The following DNAH12 variants were observed in gnomAD, a reference collection of about 807,000 sequenced individuals.
DNAH12 encodes the protein axonemal beta dynein heavy chain 12.
Under a neutral mutation model 371.5 loss-of-function variants are expected in DNAH12, and 285 were observed. The observed-to-expected ratio is 0.77, with a 90% CI of 0.70 to 0.85. The LOEUF is 0.85. Ranked by LOEUF, DNAH12 falls within the 40% of genes least tolerant of loss-of-function variation. The probability of loss-of-function intolerance (pLI) is 0.00; values close to 1 mark genes in which losing one functional copy is unlikely to be tolerated. For missense variants in DNAH12, 3,611 were observed against 3,689.4 expected (o/e 0.98, Z 0.55); for synonymous variants, 1,200 against 1,213.0 (o/e 0.99, Z 0.22).
At chr3:57,476,371 C>T (rs1170041321) in intron 13 of DNAH12, among the ~76,000 whole-genome samples, 1 of 152,072 alleles carries the variant, frequency 6.6e-6, no homozygotes, top group East Asian at 1.9e-4. Context: ...CGAGACCAGC[C>T]TGGCCAATAT....
At chr3:57,411,760 T>C (rs930849190) in intron 39 of DNAH12, among the ~76,000 whole-genome samples, 1 of 152,114 alleles carries the variant, frequency 6.6e-6, no homozygotes, top group African/African-American at 2.4e-5. Context: ...CCTTCCAAAC[T>C]TGACATGTAG....
intron 58 of DNAH12, among the ~76,000 whole-genome samples, chr3:57,361,697 T>C (rs955039209): frequency 1.3e-5 from 2 of 150,870 alleles, no homozygotes; most frequent in Non-Finnish European, 3.0e-5. Flanking sequence ...GAAACAGAGG[T>C]AAGACAAGCT....
Position 57,310,929 on chromosome 3 carries a change from T to C in DNAH12, c.10684A>G (p.Thr3562Ala). 6.5e-7 allele frequency: 1 copy of C among 1,549,742 alleles called. No homozygotes were observed. Among genetic ancestry groups the C allele is most frequent in the Admixed American group, 2.0e-5 (1 of 50,888 alleles). Reference sequence around the variant, plus strand: ...TAAGATATAGCTTCAAATGGAATTGTATCATATTCATTGATAAATAACTGA... The same window carrying C: ...TAAGATATAGCTTCAAATGGAATTGCATCATATTCATTGATAAATAACTGA... The part of the protein sequence containing the change: ...QLQLFINEYD[T>A]IPFEAISYLT... The change falls in exon 67 of 74, where the codon ACA becomes GCA. Residue 3562 changes from threonine to alanine, a missense_variant. Around this residue, in one of 3 missense-constraint regions of DNAH12, gnomAD observed 2,266 missense variants for 2,236.9 expected, o/e 1.01. Transcript: ENST00000495027.
chr3:57,401,641 TAGAAAA>T (rs2063870238), intron 43 of DNAH12, among the ~76,000 whole-genome samples: 1 of 137,646 alleles, frequency 7.3e-6, no homozygotes, highest in Non-Finnish European at 1.6e-5. Flanking sequence ...CTCAAGGAAC[TAGAAAA>T]AGAAGACTAA....
intron 30 of DNAH12, among the ~76,000 whole-genome samples, chr3:57,435,352 A>T: frequency 7.4e-6 from 1 of 134,724 alleles, no homozygotes; most frequent in Non-Finnish European, 1.6e-5. Context: ...AGCCTGGGTG[A>T]TAGACCAAGA....
At chr3:57,305,396 G>A (rs940973326) in intron 69 of DNAH12, among the ~76,000 whole-genome samples, 6 of 151,826 alleles carry the variant, frequency 4.0e-5, no homozygotes, top group African/African-American at 9.7e-5. Context: ...CTCAGCCTCC[G>A]CTCCTCCACC....
intron 55 of DNAH12, among the ~76,000 whole-genome samples, chr3:57,368,959 C>T (rs1375571870): frequency 2.0e-5 from 3 of 152,064 alleles, no homozygotes; most frequent in Middle Eastern, 3.4e-3. Context: ...ATAATGCCAG[C>T]GCTTTGGGAG....
At chr3:57,330,034 A>G (rs2062055254) in intron 62 of DNAH12, among the ~76,000 whole-genome samples, 1 of 151,778 alleles carries the variant, frequency 6.6e-6, no homozygotes. Flanking sequence ...TACCAGTTAG[A>G]ATGGCAATCA....
At chr3:57,444,897 C>A in intron 28 of DNAH12, 81 bp from the exon 29 acceptor site, 2 of 1,396,632 alleles carry the variant, frequency 1.4e-6, no homozygotes, top group Non-Finnish European at 1.9e-6. Context: ...CCAGCCCCGG[C>A]CTGCCCCACC....
At chr3:57,508,663 T>A (rs1333295364) in intron 6 of DNAH12, 123 bp from the exon 7 acceptor site, 2 of 1,119,742 alleles carry the variant, frequency 1.8e-6, no homozygotes, top group Non-Finnish European at 2.5e-6. Flanking sequence ...AAGAGGGAGC[T>A]GTGGTCAGCA....
At chr3:57,372,749 C>A (rs36136537) in intron 55 of DNAH12, among the ~76,000 whole-genome samples, 117,779 of 151,536 alleles carry the variant, frequency 0.78, 46,338 homozygotes, top group African/African-American at 0.87. Context: ...TCATAAAAAA[C>A]AAATTCAGTT....
intron 69 of DNAH12, among the ~76,000 whole-genome samples, chr3:57,306,917 T>A (rs2061484100): frequency 6.6e-6 from 1 of 152,150 alleles, no homozygotes; most frequent in Admixed American, 6.5e-5. Flanking sequence ...AACCCATTAT[T>A]CTGTTCTGGA....
chr3:57,452,876 A>G lies in DNAH12; in HGVS notation c.3753T>C (p.Ile1251=), dbSNP rs1409978551. The change falls in exon 25 of 74, where the codon ATT becomes ATC. Residue 1251 remains isoleucine (I), a synonymous_variant. Coordinates refer to ENST00000495027, the MANE Select transcript of DNAH12 (RefSeq NM_001366028.2). Reference sequence around the variant, plus strand: ...TGTAACACCTGTCAGTTAGAGGCGTAATGACAAGTCGAGGTGAGTTACCAA... The same window carrying G: ...TGTAACACCTGTCAGTTAGAGGCGTGATGACAAGTCGAGGTGAGTTACCAA... The part of the protein sequence containing the change: ...EYLGNSPRLV[I]TPLTDRCYRT... The G allele has an allele frequency of 6.4e-7, 1 of 1,550,568 alleles. No homozygotes were observed. Among genetic ancestry groups the G allele is most frequent in the Non-Finnish European group, 8.7e-7 (1 of 1,146,756 alleles).
At chr3:57,454,994 G>C (rs1275576740) in intron 22 of DNAH12, 100 bp from the exon 23 acceptor site, 3 of 1,329,084 alleles carry the variant, frequency 2.3e-6, no homozygotes, top group African/African-American at 3.0e-5. Context: ...ACATACATAG[G>C]CTAGAATGTC....
chr3:57,343,868 A>G (rs949038403), intron 60 of DNAH12, among the ~76,000 whole-genome samples: 14 of 152,190 alleles, frequency 9.2e-5, no homozygotes, highest in African/African-American at 3.1e-4. Context: ...TGGGTGGAGA[A>G]AAACATAAAT....
chr3:57,479,863 T>C lies in DNAH12; in HGVS notation c.1650+3513A>G, dbSNP rs752205053. On this transcript the variant is annotated intron_variant, in intron 13 of 73. Transcript: ENST00000495027. Reference sequence around the variant, plus strand: ...TGAAGGCAGAAATAAAGATGTTCTTTGAAACCAACGAGAACAAAGACACAA... The same window carrying C: ...TGAAGGCAGAAATAAAGATGTTCTTCGAAACCAACGAGAACAAAGACACAA... Among the ~76,000 whole-genome samples the C allele has an allele frequency of 3.2e-4, 49 of 152,274 alleles. 1 individual carries two copies. The highest frequency in any genetic ancestry group is 2.8e-4 in the Non-Finnish European group (19 of 68,016).
intron 43 of DNAH12, chr3:57,402,339 C>A: frequency 8.2e-7 from 1 of 1,220,006 alleles, no homozygotes; most frequent in African/African-American, 1.6e-5. Context: ...TATCATCTCT[C>A]TGTTGGGGCT....
chr3:57,303,548 A>G (rs2061407951), intron 69 of DNAH12, among the ~76,000 whole-genome samples: 2 of 151,538 alleles, frequency 1.3e-5, no homozygotes, highest in African/African-American at 2.4e-5. Context: ...AGTAGCTGAG[A>G]CTACAGGTGC....
chr3:57,416,042 C>T (rs1296286612), intron 37 of DNAH12, among the ~76,000 whole-genome samples: 1 of 152,068 alleles, frequency 6.6e-6, no homozygotes, highest in Non-Finnish European at 1.5e-5. Flanking sequence ...CCTGCCTTGG[C>T]CTCCCAAAGT....
Sources: allele counts gnomAD v4.1 joint callset (sites outside exome capture counted in the v4.1 genomes callset), GRCh38; gene constraint gnomAD v4.1.1; regional missense constraint gnomAD v4.1.1; transcripts MANE v1.5; gene names NCBI Gene and HGNC (gene_info 2026-07-23, HGNC 2026-07-21).